The following PHACTR1 variants were observed in gnomAD, a reference collection of about 807,000 sequenced individuals.
The protein encoded by PHACTR1 is RPEL repeat containing 1.
PHACTR1 carries 16 observed loss-of-function variants against 69.2 expected under a neutral mutation model. The observed-to-expected ratio is 0.23, with a 90% CI of 0.16 to 0.35. The LOEUF is 0.35. Ranked by LOEUF, PHACTR1 falls within the 10% of genes least tolerant of loss-of-function variation. The pLI, the probability that PHACTR1 is intolerant of heterozygous loss-of-function variation, is 1.00. For synonymous variants in PHACTR1, 312 were observed against 284.5 expected (o/e 1.10, Z -0.97); for missense variants, 510 against 734.7 (o/e 0.69, Z 3.54).
At chr6:12,990,119 C>A (rs1289377631) in intron 4 of PHACTR1, among the ~76,000 whole-genome samples, 1 of 152,156 alleles carries the variant, frequency 6.6e-6, no homozygotes, top group Non-Finnish European at 1.5e-5. Context: ...CCCCACAAGC[C>A]CTTTTCCCAA....
chr6:13,188,492 A>G (rs1368148133), intron 7 of PHACTR1, among the ~76,000 whole-genome samples: 2 of 152,216 alleles, frequency 1.3e-5, no homozygotes, highest in Non-Finnish European at 2.9e-5. Flanking sequence ...ACACAGGACA[A>G]TTGAAAGACA....
At chr6:13,202,579 G>A (rs1363327569) in intron 7 of PHACTR1, among the ~76,000 whole-genome samples, 4 of 149,832 alleles carry the variant, frequency 2.7e-5, no homozygotes, top group Non-Finnish European at 4.4e-5. Flanking sequence ...TTGGGTTTAA[G>A]TGATTCTCCT....
intron 5 of PHACTR1, among the ~76,000 whole-genome samples, chr6:13,115,933 C>CAGA (rs1430602525): frequency 1.3e-5 from 2 of 152,180 alleles, no homozygotes; most frequent in Non-Finnish European, 2.9e-5. Flanking sequence ...GCTAAGCTGT[C>CAGA]AATCTTCTGC....
chr6:12,745,105 T>G (rs960890138), intron 3 of PHACTR1, among the ~76,000 whole-genome samples: 9 of 152,138 alleles, frequency 5.9e-5, no homozygotes, highest in Non-Finnish European at 1.0e-4. Flanking sequence ...GAAACATATT[T>G]TGAGTAATAT....
intron 5 of PHACTR1, among the ~76,000 whole-genome samples, chr6:13,055,649 A>G (rs1161151290): frequency 6.6e-6 from 1 of 152,194 alleles, no homozygotes; most frequent in Non-Finnish European, 1.5e-5. Context: ...GGAGTGATGG[A>G]TGCATTTCCT....
At chr6:13,044,342 G>A (rs1456799779) in intron 4 of PHACTR1, among the ~76,000 whole-genome samples, 1 of 152,194 alleles carries the variant, frequency 6.6e-6, no homozygotes, top group African/African-American at 2.4e-5. Context: ...AAATGAAGAT[G>A]TTTTAGTTTG....
At chr6:13,239,025 A>C (rs971428843) in intron 10 of PHACTR1, among the ~76,000 whole-genome samples, 1 of 152,036 alleles carries the variant, frequency 6.6e-6, no homozygotes, top group Admixed American at 6.6e-5. Context: ...CCTCCTCCTC[A>C]TCCTCATCTT....
intron 4 of PHACTR1, among the ~76,000 whole-genome samples, chr6:12,924,628 GC>G (rs369146833): frequency 6.6e-6 from 1 of 151,812 alleles, no homozygotes; most frequent in African/African-American, 2.4e-5. Context: ...CAAAAAATTA[GC>G]TGGGCAAGGG....
chr6:13,040,084 C>G (rs535614909), intron 4 of PHACTR1, among the ~76,000 whole-genome samples: 7 of 152,238 alleles, frequency 4.6e-5, no homozygotes, highest in African/African-American at 1.7e-4. Flanking sequence ...TTTTAAAGAG[C>G]AGAAATTTCC....
intron 4 of PHACTR1, among the ~76,000 whole-genome samples, chr6:12,875,281 T>C (rs1035764285): frequency 1.3e-5 from 2 of 152,228 alleles, no homozygotes; most frequent in Admixed American, 1.3e-4. Context: ...CTCCACAGGG[T>C]TCTTCGTGCT....
intron 4 of PHACTR1, among the ~76,000 whole-genome samples, chr6:12,817,554 T>A (rs1261195536): frequency 6.6e-6 from 1 of 152,146 alleles, no homozygotes; most frequent in Non-Finnish European, 1.5e-5. Flanking sequence ...CTTGCTACAG[T>A]TGAGTGAGTT....
chr6:13,135,643 G>A (rs1487841687), intron 5 of PHACTR1, among the ~76,000 whole-genome samples: 1 of 152,182 alleles, frequency 6.6e-6, no homozygotes, highest in East Asian at 1.9e-4. Flanking sequence ...TATCAGTAAA[G>A]ACAATATATA....
At chr6:13,264,521 A>G (rs1776339526) in intron 10 of PHACTR1, among the ~76,000 whole-genome samples, 1 of 151,918 alleles carries the variant, frequency 6.6e-6, no homozygotes, top group African/African-American at 2.4e-5. Context: ...GGAGTTCGAG[A>G]CCAGCCTGGC....
At position 13,010,898 on chromosome 6, in the gene PHACTR1, G is replaced by C. The variant is rs545268484; in HGVS notation, c.251-42467G>C. ...ACTGAGGCAGCATTCAGGGTACAGA[G>C]CAGGGTCAAGAGGAAATGCGGGACA... On this transcript the variant is annotated intron_variant, in intron 4 of 14. Coordinates refer to ENST00000332995, the MANE Select transcript of PHACTR1 (RefSeq NM_030948.6). 2.0e-5 allele frequency among the ~76,000 whole-genome samples: 3 copies of C among 152,280 alleles called. No individual in the cohort carries two copies. In the East Asian group the frequency reaches 5.8e-4, roughly 29 times the overall value.
At chr6:13,055,861 A>G (rs890714683) in intron 5 of PHACTR1, among the ~76,000 whole-genome samples, 2 of 152,252 alleles carry the variant, frequency 1.3e-5, no homozygotes, top group African/African-American at 4.8e-5. Context: ...TATGGGAGAA[A>G]GAATGGAAAC....
At chr6:12,905,711 T>A (rs1261182908) in intron 4 of PHACTR1, among the ~76,000 whole-genome samples, 2 of 152,078 alleles carry the variant, frequency 1.3e-5, no homozygotes, top group African/African-American at 4.8e-5. Context: ...GTGGCTTGAG[T>A]GAGGAGTATT....
In PHACTR1 at chr6:13,177,172, T is replaced by TAAAAAAA. The variant is rs530741132; in HGVS notation, c.497-5322_497-5316dup. 5.6e-3 allele frequency among the ~76,000 whole-genome samples: 356 copies of TAAAAAAA among 63,354 alleles called. 29 individuals carry two copies. Among genetic ancestry groups the TAAAAAAA allele is most frequent in the African/African-American group, 0.016 (159 of 9,784 alleles). 41.6% of individuals were successfully genotyped at this position (63,354 alleles called of 152,430 possible). On this transcript the variant is annotated intron_variant, in intron 6 of 14. Coordinates refer to ENST00000332995, the MANE Select transcript of PHACTR1 (RefSeq NM_030948.6). ...TGGCAAAATAGCAAGACCCCATCTC[T>TAAAAAAA]AAAAAAAAAAAAAAAAAAAAAAAAA...
intron 4 of PHACTR1, among the ~76,000 whole-genome samples, chr6:12,788,429 C>T (rs1018037904): frequency 2.0e-5 from 3 of 152,048 alleles, no homozygotes; most frequent in African/African-American, 7.2e-5. Context: ...ATGAGGACCT[C>T]ATAGGTGATG....
intron 4 of PHACTR1, among the ~76,000 whole-genome samples, chr6:12,897,012 TA>T (rs1784735039): frequency 6.6e-6 from 1 of 152,176 alleles, no homozygotes; most frequent in Non-Finnish European, 1.5e-5. Context: ...GAGTTCCACC[TA>T]AATCCATCAC....
Sources: gnomAD v4.1 joint callset for allele counts (sites outside exome capture counted in the v4.1 genomes callset) on GRCh38, gnomAD v4.1.1 for gene constraint, MANE v1.5 for transcripts, NCBI Gene and HGNC (gene_info 2026-07-23, HGNC 2026-07-21) for gene names.